The following SMYD3 variants were observed in gnomAD, a reference collection of about 807,000 sequenced individuals.
The protein encoded by SMYD3 is SET and MYND domain containing 3, also known as histone-lysine N-methyltransferase SMYD3.
SMYD3 carries 36 observed loss-of-function variants against 57.7 expected under a neutral mutation model. The observed-to-expected ratio is 0.62, with a 90% CI of 0.48 to 0.82. The LOEUF (loss-of-function observed/expected upper bound fraction) is 0.82, where lower values mean the gene tolerates loss of function less well. Among genes scored for constraint, SMYD3 ranks in the 40% least tolerant of loss-of-function variants. The probability of loss-of-function intolerance (pLI) is 0.00; values close to 1 mark genes in which losing one functional copy is unlikely to be tolerated. For synonymous variants in SMYD3, 211 were observed against 195.0 expected (o/e 1.08, Z -0.68); for missense variants, 515 against 538.8 (o/e 0.96, Z 0.44).
chr1:246,155,109 A>C (rs927460356), intron 5 of SMYD3, among the ~76,000 whole-genome samples: 1 of 152,150 alleles, frequency 6.6e-6, no homozygotes, highest in Non-Finnish European at 1.5e-5. Context: ...AAACAAGAAA[A>C]ATGAATTTAT....
At chr1:246,178,486 C>A (rs962484317) in intron 5 of SMYD3, among the ~76,000 whole-genome samples, 3 of 152,182 alleles carry the variant, frequency 2.0e-5, no homozygotes, top group Admixed American at 6.5e-5. Context: ...AGGCTCCACT[C>A]GAGTTACTTG....
At chr1:246,477,187 C>G (rs1362476833) in intron 1 of SMYD3, among the ~76,000 whole-genome samples, 1 of 152,192 alleles carries the variant, frequency 6.6e-6, no homozygotes, top group Non-Finnish European at 1.5e-5. Flanking sequence ...CTTGCACACT[C>G]CCTTTTAAGG....
intron 5 of SMYD3, among the ~76,000 whole-genome samples, chr1:246,108,916 C>T (rs1265489144): frequency 6.6e-6 from 1 of 152,188 alleles, no homozygotes. Context: ...GTTGGTGCAG[C>T]CAATTCTTTC....
intron 5 of SMYD3, among the ~76,000 whole-genome samples, chr1:246,196,304 T>A (rs2062830444): frequency 6.6e-6 from 1 of 152,148 alleles, no homozygotes; most frequent in East Asian, 1.9e-4. Context: ...TTGTCTTTTT[T>A]CCTTTGTGTA....
chr1:246,318,853 C>T (rs987853997), intron 5 of SMYD3, among the ~76,000 whole-genome samples: 2 of 152,200 alleles, frequency 1.3e-5, no homozygotes, highest in African/African-American at 4.8e-5. Context: ...AATTATCCTT[C>T]CCAACTTCAG....
intron 5 of SMYD3, among the ~76,000 whole-genome samples, chr1:246,103,133 T>C (rs188236766): frequency 1.3e-5 from 2 of 152,194 alleles, no homozygotes; most frequent in African/African-American, 4.8e-5. Flanking sequence ...TATTGAAGAA[T>C]GAACAAATGA....
In SMYD3 at chr1:246,021,796, C is replaced by T. The variant is rs12046997; in HGVS notation, c.532-91859G>A. Among the ~76,000 whole-genome samples the T allele has an allele frequency of 1.3e-4, 20 of 152,156 alleles. No individual in the cohort carries two copies. The East Asian group carries it at 3.5e-3, about 26-fold the overall frequency. On this transcript the variant is annotated intron_variant, in intron 5 of 11. Coordinates refer to ENST00000490107, the MANE Select transcript of SMYD3 (RefSeq NM_001167740.2). ...TATTCATTTTTCAGCAAATCAAAAC[C>T]CATTCAAATGGAAAATGGAAAGATG...
intron 5 of SMYD3, among the ~76,000 whole-genome samples, chr1:246,266,768 G>A (rs1055043495): frequency 6.6e-6 from 1 of 151,478 alleles, no homozygotes; most frequent in Non-Finnish European, 1.5e-5. Flanking sequence ...GTGCACTCCA[G>A]CCGAAAGAAA....
intron 5 of SMYD3, among the ~76,000 whole-genome samples, chr1:246,294,789 T>C (rs2064762591): frequency 6.6e-6 from 1 of 152,028 alleles, no homozygotes; most frequent in Non-Finnish European, 1.5e-5. Flanking sequence ...AGTAGAGACA[T>C]GGTTTCACCA....
intron 5 of SMYD3, among the ~76,000 whole-genome samples, chr1:246,242,744 T>C (rs1180582668): frequency 2.0e-5 from 3 of 151,756 alleles, no homozygotes; most frequent in African/African-American, 7.3e-5. Context: ...AAAATAAAGA[T>C]ATGGAGGAAG....
At chr1:245,920,367 T>C (rs1046296737) in intron 7 of SMYD3, among the ~76,000 whole-genome samples, 1 of 152,076 alleles carries the variant, frequency 6.6e-6, no homozygotes, top group Admixed American at 6.6e-5. Context: ...AGACCTTGTT[T>C]CATTTCTAGA....
chr1:245,974,085 C>T (rs914224093), intron 5 of SMYD3, among the ~76,000 whole-genome samples: 1 of 152,128 alleles, frequency 6.6e-6, no homozygotes, highest in Non-Finnish European at 1.5e-5. Flanking sequence ...CTAACAGATG[C>T]CACTATCTGT....
chr1:246,194,320 T>C (rs1329219595), intron 5 of SMYD3, among the ~76,000 whole-genome samples: 1 of 150,744 alleles, frequency 6.6e-6, no homozygotes, highest in East Asian at 1.9e-4. Context: ...CAGGCTGGAG[T>C]GCAGTAGTGC....
intron 1 of SMYD3, among the ~76,000 whole-genome samples, chr1:246,459,310 C>T (rs2067756571): frequency 6.9e-6 from 1 of 145,786 alleles, no homozygotes; most frequent in Non-Finnish European, 1.5e-5. Flanking sequence ...TCCTGCTCTG[C>T]TGTTCTCATG....
At chr1:246,016,592 A>AG (rs2059380982) in intron 5 of SMYD3, among the ~76,000 whole-genome samples, 1 of 152,046 alleles carries the variant, frequency 6.6e-6, no homozygotes, top group South Asian at 2.1e-4. Flanking sequence ...TCAAAAAAGA[A>AG]GAAAAAAAAA....
chr1:246,411,951 C>T (rs1572476352), intron 1 of SMYD3, among the ~76,000 whole-genome samples: 1 of 145,286 alleles, frequency 6.9e-6, no homozygotes, highest in East Asian at 2.0e-4. Context: ...GTTGTGCACA[C>T]GTACCCTAAA....
chr1:246,090,884 T>A (rs1045935749), intron 5 of SMYD3, among the ~76,000 whole-genome samples: 24 of 152,152 alleles, frequency 1.6e-4, no homozygotes, highest in African/African-American at 5.8e-4. Context: ...TCCTAAATTT[T>A]GCTGACGCGA....
In SMYD3 at chr1:245,997,010, C is replaced by A. The variant is rs539286658; in HGVS notation, c.532-67073G>T. Among the ~76,000 whole-genome samples, 120 of 152,356 alleles carry A rather than the reference C, an allele frequency of 7.9e-4. 2 individuals carry two copies. In the South Asian group the frequency reaches 0.024, roughly 31 times the overall value. ...ACGTCGCTGGTGCGGAACACCATGA[C>A]GTCTGTGTCTAGGGTATGCGCATAT... On this transcript the variant is annotated intron_variant, in intron 5 of 11. Transcript: ENST00000490107.
At chr1:246,028,694 T>G (rs1363662864) in intron 5 of SMYD3, among the ~76,000 whole-genome samples, 2 of 152,162 alleles carry the variant, frequency 1.3e-5, no homozygotes, top group Non-Finnish European at 2.9e-5. Flanking sequence ...CCTGTCAAAA[T>G]ACCAAACCAC....
Sources: gnomAD v4.1 joint callset for allele counts (sites outside exome capture counted in the v4.1 genomes callset) on GRCh38, gnomAD v4.1.1 for gene constraint, MANE v1.5 for transcripts, NCBI Gene and HGNC (gene_info 2026-07-23, HGNC 2026-07-21) for gene names.